RSF1: variants seen among roughly 807,000 people sequenced by gnomAD.
The protein encoded by RSF1 is remodeling and spacing factor 1.
RSF1 carries 13 observed loss-of-function variants against 145.2 expected under a neutral mutation model. That is an observed-to-expected ratio of 0.09 (90% confidence interval 0.06 to 0.14). RSF1 has a LOEUF of 0.14. RSF1 is among the 10% of genes least tolerant of loss of function. The pLI is 1.00. For missense variants in RSF1, 1,517 were observed against 1,718.2 expected (o/e 0.88, Z 2.07); for synonymous variants, 577 against 592.6 (o/e 0.97, Z 0.38).
intron 2 of RSF1, 75 bp from the exon 3 acceptor site, chr11:77,747,203 G>T (rs927939833): frequency 2.2e-6 from 2 of 899,698 alleles, no homozygotes; most frequent in Non-Finnish European, 3.6e-6. Flanking sequence ...CAACTATGCT[G>T]TTCTTGTTAA....
Position 77,702,187 on chromosome 11 carries a change from G to T in RSF1, c.1042C>A (p.Pro348Thr). 1 of 1,613,958 alleles carries T rather than the reference G, an allele frequency of 6.2e-7. No homozygotes were observed. The highest frequency in any genetic ancestry group is 8.5e-7 in the Non-Finnish European group (1 of 1,179,972). ...SSMEKPVAQE[P>T]ERIEFGGNIK... ...TTGCCACCAAATTCGATCCTTTCAG[G>T]CTCCTGTGCCACTGGCTTCTCCATG... The change falls in exon 6 of 16, where the codon CCT (proline) becomes ACT (threonine). Residue 348 changes from proline (P) to threonine (T), a missense_variant. Pro to Thr is a conservative substitution (Grantham distance 38). Coordinates refer to ENST00000308488, the MANE Select transcript of RSF1 (RefSeq NM_016578.4).
At chr11:77,835,287 G>A in the RSF1 span, among the ~76,000 whole-genome samples, 2 of 152,246 alleles carry the variant, frequency 1.3e-5, no homozygotes, top group South Asian at 2.1e-4. Flanking sequence ...ACATGGATGT[G>A]ATCGCCAGAG....
chr11:77,704,641 T>C (rs1342141477), intron 5 of RSF1, among the ~76,000 whole-genome samples: 1 of 152,206 alleles, frequency 6.6e-6, no homozygotes, highest in Non-Finnish European at 1.5e-5. Flanking sequence ...TCTTTCTTCA[T>C]CTATAAATAA....
At chr11:77,824,804 C>CTA (rs1301338666), upstream of RSF1, among the ~76,000 whole-genome samples, 1 of 152,180 alleles carries the variant, frequency 6.6e-6, no homozygotes. Context: ...TCATTGAACT[C>CTA]TATAAACACT....
At chr11:77,849,256 G>A in the RSF1 span, among the ~76,000 whole-genome samples, 2 of 151,554 alleles carry the variant, frequency 1.3e-5, no homozygotes, top group East Asian at 3.9e-4. Context: ...GAGTCTTGCT[G>A]TGTCGCCCAG....
intron 1 of RSF1, among the ~76,000 whole-genome samples, chr11:77,770,426 GC>G (rs1284694492): frequency 6.6e-6 from 1 of 152,230 alleles, no homozygotes; most frequent in Non-Finnish European, 1.5e-5. Context: ...CTGCACTCCA[GC>G]CTAGGTGACA....
rs12293187 is a variant in RSF1, at chr11:77,697,655, T to C, written c.2715+832A>G. 1.6e-3 allele frequency among the ~76,000 whole-genome samples: 234 copies of C among 150,442 alleles called. 1 individual carries two copies. The highest frequency in any genetic ancestry group is 5.6e-3 in the African/African-American group (231 of 41,144). On this transcript the variant is annotated intron_variant, in intron 7 of 15. Transcript: ENST00000308488. Reference sequence around the variant, plus strand: ...AAGTGGTACTATTCTTTTTGGAATATATCTGGTCTACAATTTATTCTCCTA... The same window carrying C: ...AAGTGGTACTATTCTTTTTGGAATACATCTGGTCTACAATTTATTCTCCTA...
At chr11:77,752,300 C>T (rs1948070966) in intron 2 of RSF1, among the ~76,000 whole-genome samples, 1 of 152,206 alleles carries the variant, frequency 6.6e-6, no homozygotes, top group Admixed American at 6.5e-5. Flanking sequence ...ACCATGGACA[C>T]TCCATCTTCC....
chr11:77,672,317 C>CTTTCATTCAT, intron 14 of RSF1, 87 bp from the exon 15 acceptor site: 2 of 1,038,334 alleles, frequency 1.9e-6, no homozygotes, highest in Non-Finnish European at 2.8e-6. Flanking sequence ...AGCTACCAAG[C>CTTTCATTCAT]AGAGTTCAGT....
At chr11:77,745,328 C>T (rs7120465) in intron 3 of RSF1, among the ~76,000 whole-genome samples, 27,476 of 151,744 alleles carry the variant, frequency 0.18, 3,153 homozygotes, top group African/African-American at 0.31. Flanking sequence ...GGGTTTAGTT[C>T]GTTCTTCTAG....
At chr11:77,691,127 C>G in intron 9 of RSF1, 32 bp downstream of exon 9, 4 of 1,589,952 alleles carry the variant, frequency 2.5e-6, no homozygotes, top group Non-Finnish European at 3.5e-6. Context: ...CTCATATTCC[C>G]AAACAAAACA....
At chr11:77,789,589 G>A (rs1948495877) in intron 1 of RSF1, among the ~76,000 whole-genome samples, 1 of 152,198 alleles carries the variant, frequency 6.6e-6, no homozygotes, top group South Asian at 2.1e-4. Context: ...AGCAGAGCGT[G>A]TGTTCCCCAC....
At chr11:77,805,383 A>G (rs1356128629) in intron 1 of RSF1, among the ~76,000 whole-genome samples, 2 of 151,862 alleles carry the variant, frequency 1.3e-5, no homozygotes, top group Non-Finnish European at 2.9e-5. Context: ...AGAGGTTGCA[A>G]TGAGCCAAGA....
intron 1 of RSF1, among the ~76,000 whole-genome samples, chr11:77,791,340 A>G (rs1472568857): frequency 6.6e-6 from 1 of 152,166 alleles, no homozygotes; most frequent in African/African-American, 2.4e-5. Context: ...CCAAGCCCCT[A>G]GACTGCACAC....
intron 1 of RSF1, among the ~76,000 whole-genome samples, chr11:77,808,169 A>G (rs1022634080): frequency 3.9e-5 from 6 of 152,076 alleles, no homozygotes; most frequent in Non-Finnish European, 5.9e-5. Flanking sequence ...CCCTGTCTCT[A>G]TTAAAAATAC....
intron 2 of RSF1, among the ~76,000 whole-genome samples, chr11:77,761,743 T>C (rs1286354344): frequency 1.3e-5 from 2 of 151,978 alleles, no homozygotes; most frequent in East Asian, 3.9e-4. Flanking sequence ...GTAAAAGGAA[T>C]GTGAAGAATA....
chr11:77,846,911 A>G, the RSF1 span, among the ~76,000 whole-genome samples: 1 of 152,108 alleles, frequency 6.6e-6, no homozygotes, highest in Non-Finnish European at 1.5e-5. Context: ...ATAAAGGAAG[A>G]TTCATATTTG....
the RSF1 span, among the ~76,000 whole-genome samples, chr11:77,832,986 TGTGTGTGTGTG>T: frequency 1.4e-5 from 1 of 69,470 alleles, no homozygotes; most frequent in Non-Finnish European, 2.7e-5. Flanking sequence ...TGTGTGTGTG[TGTGTGTGTGTG>T]TATATATATA....
intron 5 of RSF1, among the ~76,000 whole-genome samples, chr11:77,706,864 T>C (rs56331912): frequency 0.021 from 3,226 of 152,164 alleles, 103 homozygotes; most frequent in African/African-American, 0.073. Flanking sequence ...ACAACTAAAA[T>C]AACAGGCACA....
Sources: allele counts gnomAD v4.1 joint callset (sites outside exome capture counted in the v4.1 genomes callset), GRCh38; gene constraint gnomAD v4.1.1; transcripts MANE v1.5; gene names NCBI Gene and HGNC (gene_info 2026-07-23, HGNC 2026-07-21).